The following FHIT variants were observed in gnomAD, a reference collection of about 807,000 sequenced individuals.
FHIT encodes fragile histidine triad diadenosine triphosphatase.
Under a neutral mutation model 17.9 loss-of-function variants are expected in FHIT, and 19 were observed. That is an observed-to-expected ratio of 1.06 (90% CI 0.74 to 1.56). FHIT has a LOEUF of 1.56. Ranked by LOEUF, FHIT falls within the 40% of genes most tolerant of loss-of-function variation. The probability of loss-of-function intolerance (pLI) is 0.00; values close to 1 mark genes in which losing one functional copy is unlikely to be tolerated. For missense variants in FHIT, 248 were observed against 189.2 expected (o/e 1.31, Z -1.82); for synonymous variants, 81 against 69.7 (o/e 1.16, Z -0.81).
At chr3:59,773,976 ATATT>A (rs894430471) in intron 8 of FHIT, among the ~76,000 whole-genome samples, 3 of 152,336 alleles carry the variant, frequency 2.0e-5, no homozygotes, top group Non-Finnish European at 2.9e-5. Flanking sequence ...TACTGAAATA[ATATT>A]TATGATATTT....
At chr3:60,681,865 C>T (rs1246396549) in intron 4 of FHIT, among the ~76,000 whole-genome samples, 2 of 152,150 alleles carry the variant, frequency 1.3e-5, no homozygotes, top group Admixed American at 1.3e-4. Flanking sequence ...GAGAAGCCAT[C>T]TCCAGAACAT....
intron 4 of FHIT, among the ~76,000 whole-genome samples, chr3:60,717,564 C>T (rs896623505): frequency 7.9e-5 from 12 of 152,150 alleles, no homozygotes; most frequent in African/African-American, 2.9e-4. Context: ...GCAGGTTGTA[C>T]ACTGCACACC....
rs181389776 is a variant in FHIT, at chr3:61,019,929, A to T, written c.-111+22118T>A. On this transcript the variant is annotated intron_variant, in intron 3 of 9. Transcript: ENST00000492590. ...TGTGTAGAACGTGCGGGTTTGTTAC[A>T]TAGGTATACACATGCCATAGTGGTT... is the stretch of plus-strand genomic sequence containing the variant. Among the ~76,000 whole-genome samples the T allele has an allele frequency of 2.5e-3, 378 of 151,672 alleles. 2 individuals are homozygous for T. The highest frequency in any genetic ancestry group is 8.9e-3 in the African/African-American group (369 of 41,366).
chr3:61,113,835 G>A (rs1161800750), intron 2 of FHIT, among the ~76,000 whole-genome samples: 4 of 152,156 alleles, frequency 2.6e-5, no homozygotes, highest in African/African-American at 4.8e-5. Flanking sequence ...GGTTGCTATC[G>A]CTGTAAGCAG....
intron 5 of FHIT, among the ~76,000 whole-genome samples, chr3:60,117,547 A>G (rs1705027927): frequency 6.8e-6 from 1 of 146,930 alleles, no homozygotes; most frequent in South Asian, 2.2e-4. Flanking sequence ...AGGTAATTAT[A>G]TTTTTTATGT....
At chr3:60,432,096 C>T (rs1449671295) in intron 5 of FHIT, among the ~76,000 whole-genome samples, 2 of 152,106 alleles carry the variant, frequency 1.3e-5, no homozygotes, top group Admixed American at 1.3e-4. Context: ...CCACCTCAGC[C>T]TCCTGAGTAG....
chr3:60,285,036 G>C (rs1324945283), intron 5 of FHIT, among the ~76,000 whole-genome samples: 1 of 152,112 alleles, frequency 6.6e-6, no homozygotes, highest in Non-Finnish European at 1.5e-5. Context: ...ATACTAATCA[G>C]TCTTGTATAA....
chr3:59,948,523 AT>A (rs1292891070), intron 7 of FHIT, among the ~76,000 whole-genome samples: 1 of 151,356 alleles, frequency 6.6e-6, no homozygotes, highest in Non-Finnish European at 1.5e-5. Context: ...TCTAAAAAAA[AT>A]AAAAATAAAA....
chr3:60,335,939 G>C (rs1710216955), intron 5 of FHIT, among the ~76,000 whole-genome samples: 1 of 152,060 alleles, frequency 6.6e-6, no homozygotes, highest in Non-Finnish European at 1.5e-5. Flanking sequence ...GATGAAACAT[G>C]CATATGTTAA....
intron 4 of FHIT, among the ~76,000 whole-genome samples, chr3:60,729,612 A>G (rs2041987890): frequency 6.6e-6 from 1 of 152,332 alleles, no homozygotes; most frequent in East Asian, 1.9e-4. Flanking sequence ...TAAGGACTCA[A>G]CAAAATGAAT....
chr3:61,239,303 A>G (rs894497071), intron 1 of FHIT, among the ~76,000 whole-genome samples: 2 of 152,090 alleles, frequency 1.3e-5, no homozygotes, highest in African/African-American at 4.8e-5. Context: ...ATTTCATCTG[A>G]TGTCAGTCTC....
intron 3 of FHIT, among the ~76,000 whole-genome samples, chr3:60,846,375 G>C (rs1575592530): frequency 6.6e-6 from 1 of 152,318 alleles, no homozygotes; most frequent in South Asian, 2.1e-4. Flanking sequence ...CAAACTTCAA[G>C]ACATTCCCAA....
intron 5 of FHIT, 57 bp downstream of exon 5, chr3:60,536,803 C>A (rs894053001): frequency 4.5e-5 from 69 of 1,523,740 alleles, no homozygotes; most frequent in Non-Finnish European, 5.7e-5. Context: ...ATTCATTTGG[C>A]TGGTTAGGCT....
At chr3:60,917,993 T>A (rs1405652228) in intron 3 of FHIT, among the ~76,000 whole-genome samples, 4 of 152,248 alleles carry the variant, frequency 2.6e-5, no homozygotes, top group African/African-American at 9.6e-5. Context: ...GTAACTCTTA[T>A]AATTCCCACA....
chr3:61,217,305 C>G (rs2039711483), intron 1 of FHIT, among the ~76,000 whole-genome samples: 1 of 152,174 alleles, frequency 6.6e-6, no homozygotes, highest in Non-Finnish European at 1.5e-5. Context: ...CTGGAATCAT[C>G]TGATATCTCA....
intron 1 of FHIT, among the ~76,000 whole-genome samples, chr3:61,209,863 G>A (rs866588524): frequency 3.8e-4 from 58 of 152,134 alleles, no homozygotes; most frequent in South Asian, 6.2e-4. Flanking sequence ...GAGGAGCTGC[G>A]TTCCTTTGGA....
chr3:60,306,271 T>C (rs146769840), intron 5 of FHIT, among the ~76,000 whole-genome samples: 1 of 152,168 alleles, frequency 6.6e-6, no homozygotes, highest in Non-Finnish European at 1.5e-5. Flanking sequence ...TCAACTCAAC[T>C]TCCCAAGAAG....
intron 5 of FHIT, among the ~76,000 whole-genome samples, chr3:60,311,505 C>G (rs1289878688): frequency 2.0e-5 from 3 of 152,128 alleles, no homozygotes; most frequent in Non-Finnish European, 2.9e-5. Flanking sequence ...TTTCCAAACA[C>G]AAGACTGCTT....
At chr3:60,317,098 ATTTTAAGTGAATAATGT>A (rs1709195071) in intron 5 of FHIT, among the ~76,000 whole-genome samples, 1 of 152,180 alleles carries the variant, frequency 6.6e-6, no homozygotes, top group Non-Finnish European at 1.5e-5. Context: ...GAAGGGTGTC[ATTTTAAGTGAATAATGT>A]ATTCTTACAT....
Sources: gnomAD v4.1 joint callset for allele counts (sites outside exome capture counted in the v4.1 genomes callset) on GRCh38, gnomAD v4.1.1 for gene constraint, MANE v1.5 for transcripts, NCBI Gene and HGNC (gene_info 2026-07-23, HGNC 2026-07-21) for gene names.